Variants in NRG1 observed in about 807,000 individuals in gnomAD.
The protein encoded by NRG1 is neuregulin 1.
Under a neutral mutation model 63.8 loss-of-function variants are expected in NRG1, and 18 were observed. The observed-to-expected ratio is 0.28, with a 90% CI of 0.19 to 0.42. The LOEUF is 0.42. Among genes scored for constraint, NRG1 ranks in the 10% least tolerant of loss-of-function variants. NRG1 has a pLI of 1.00. For synonymous variants in NRG1, 302 were observed against 301.3 expected (o/e 1.00, Z -0.02); for missense variants, 762 against 814.7 (o/e 0.94, Z 0.79).
chr8:32,201,072 C>T (rs77001301), intron 1 of NRG1, among the ~76,000 whole-genome samples: 2,349 of 152,246 alleles, frequency 0.015, 74 homozygotes, highest in African/African-American at 0.054. Context: ...CTTACTTGTA[C>T]CTTGTCCATA....
intron 1 of NRG1, among the ~76,000 whole-genome samples, chr8:31,873,113 A>G (rs889100604): frequency 3.3e-5 from 5 of 152,224 alleles, no homozygotes; most frequent in Non-Finnish European, 7.3e-5. Context: ...AGTTCACCTC[A>G]ATTATACACT....
intron 1 of NRG1, among the ~76,000 whole-genome samples, chr8:31,649,947 G>C (rs1334598371): frequency 6.6e-6 from 1 of 151,990 alleles, no homozygotes; most frequent in Non-Finnish European, 1.5e-5. Flanking sequence ...TAATCAGTAC[G>C]CACCAGAGGC....
chr8:31,859,845 C>A (rs1206095059), intron 1 of NRG1, among the ~76,000 whole-genome samples: 3 of 152,172 alleles, frequency 2.0e-5, no homozygotes, highest in African/African-American at 4.8e-5. Flanking sequence ...CCTGGAAAAT[C>A]GAACTTAATT....
At chr8:32,482,198 G>A (rs968554363) in intron 1 of NRG1, among the ~76,000 whole-genome samples, 4 of 151,724 alleles carry the variant, frequency 2.6e-5, no homozygotes, top group African/African-American at 9.7e-5. Context: ...CTGGTAACCA[G>A]CTCTTCAGGA....
chr8:32,156,931 T>C (rs540347143), intron 1 of NRG1, among the ~76,000 whole-genome samples: 7 of 152,282 alleles, frequency 4.6e-5, no homozygotes, highest in Non-Finnish European at 1.0e-4. Context: ...AGTGAGACCC[T>C]ATCTCTTAAA....
chr8:31,694,582 T>C (rs1809860977), intron 1 of NRG1, among the ~76,000 whole-genome samples: 1 of 152,170 alleles, frequency 6.6e-6, no homozygotes, highest in South Asian at 2.1e-4. Context: ...TTCTGTAACA[T>C]GTACTTGTGA....
intron 1 of NRG1, among the ~76,000 whole-genome samples, chr8:31,759,394 C>T (rs1817304351): frequency 6.6e-6 from 1 of 151,778 alleles, no homozygotes; most frequent in South Asian, 2.1e-4. Context: ...CTTATATAAT[C>T]CATCTCAAGT....
At chr8:32,456,768 T>C (rs1257629813) in intron 1 of NRG1, among the ~76,000 whole-genome samples, 1 of 152,178 alleles carries the variant, frequency 6.6e-6, no homozygotes, top group East Asian at 1.9e-4. Context: ...TCACGGGTGG[T>C]TGGACCCCCC....
At chr8:32,021,057 G>A (rs1816352628) in intron 1 of NRG1, among the ~76,000 whole-genome samples, 2 of 152,132 alleles carry the variant, frequency 1.3e-5, no homozygotes, top group Admixed American at 1.3e-4. Context: ...AGTTGAAATT[G>A]CGTTATATGT....
At chr8:32,730,388 G>A (rs564210557) in intron 6 of NRG1, among the ~76,000 whole-genome samples, 1 of 152,256 alleles carries the variant, frequency 6.6e-6, no homozygotes, top group East Asian at 1.9e-4. Flanking sequence ...GGAAGGTTGA[G>A]CCTGCAGTGA....
chr8:32,765,651 A>G (rs904585133), exon 12 of NRG1: 2 of 152,160 alleles, frequency 1.3e-5, no homozygotes, highest in African/African-American at 4.8e-5. Context: ...GCCGATGTGT[A>G]TGTGATTTGT....
chr8:32,249,081 G>T (rs1848847973), intron 1 of NRG1, among the ~76,000 whole-genome samples: 1 of 131,634 alleles, frequency 7.6e-6, no homozygotes, highest in African/African-American at 3.0e-5. Flanking sequence ...AAGCCAATTA[G>T]AATAGAGCTC....
chr8:31,669,473 A>C lies in NRG1; in HGVS notation c.37+30042A>C, dbSNP rs926478023. ...AGGCTGGTCTCGAACTCCTGGGCTC[A>C]AGCAACCCTTCCACCTTGGTCTCCC... On this transcript the variant is annotated intron_variant, in intron 1 of 10. Coordinates refer to the NRG1 transcript ENST00000519301. 5.3e-5 allele frequency among the ~76,000 whole-genome samples: 8 copies of C among 152,250 alleles called. 1 individual carries two copies. In the East Asian group the frequency reaches 1.5e-3, roughly 29 times the overall value.
intron 1 of NRG1, among the ~76,000 whole-genome samples, chr8:32,117,285 ATTTG>A (rs1832862267): frequency 6.6e-6 from 1 of 152,156 alleles, no homozygotes; most frequent in Admixed American, 6.6e-5. Flanking sequence ...TCACGCAGAT[ATTTG>A]TTATTAATAA....
intron 1 of NRG1, among the ~76,000 whole-genome samples, chr8:32,245,091 C>A (rs1408477942): frequency 1.3e-5 from 2 of 152,120 alleles, no homozygotes; most frequent in Admixed American, 6.6e-5. Flanking sequence ...TTGTTAGGGG[C>A]TCAGACAGTG....
At chr8:31,731,754 G>A (rs529480039) in intron 1 of NRG1, among the ~76,000 whole-genome samples, 2 of 152,194 alleles carry the variant, frequency 1.3e-5, no homozygotes, top group African/African-American at 4.8e-5. Flanking sequence ...AAACTTCTAA[G>A]ACTCTATATC....
At chr8:32,631,333 AG>A (rs1385559359) in intron 5 of NRG1, among the ~76,000 whole-genome samples, 1 of 152,114 alleles carries the variant, frequency 6.6e-6, no homozygotes, top group Admixed American at 6.5e-5. Flanking sequence ...CCAACCCCCA[AG>A]GCTCTCCTTT....
At chr8:32,523,576 A>G (rs1699318841) in intron 1 of NRG1, among the ~76,000 whole-genome samples, 1 of 152,174 alleles carries the variant, frequency 6.6e-6, no homozygotes, top group Non-Finnish European at 1.5e-5. Flanking sequence ...AATAGTGAAA[A>G]GGAGTTTTAA....
At chr8:32,209,831 T>C (rs899506912) in intron 1 of NRG1, among the ~76,000 whole-genome samples, 2 of 151,632 alleles carry the variant, frequency 1.3e-5, no homozygotes, top group African/African-American at 4.9e-5. Context: ...GGCTCAGTGA[T>C]CAGTTTTGAT....
Sources: gnomAD v4.1 joint callset for allele counts (sites outside exome capture counted in the v4.1 genomes callset) on GRCh38, gnomAD v4.1.1 for gene constraint, MANE v1.5 for transcripts, NCBI Gene and HGNC (gene_info 2026-07-23, HGNC 2026-07-21) for gene names.